Variants in SCGB2B2 observed in about 807,000 individuals in gnomAD.
SCGB2B2 encodes the protein secretoglobin family 2B member 2.
SCGB2B2 carries 11 observed loss-of-function variants against 7.6 expected under a neutral mutation model. The ratio of observed to expected loss-of-function variants is 1.45; its 90% confidence interval spans 0.91 to 2.40. SCGB2B2 has a LOEUF of 2.40. Among genes scored for constraint, SCGB2B2 ranks in the 30% most tolerant of loss-of-function variants. The pLI, the probability that SCGB2B2 is intolerant of heterozygous loss-of-function variation, is 0.00. For missense variants in SCGB2B2, 104 were observed against 115.4 expected (o/e 0.90, Z 0.45); for synonymous variants, 50 against 48.6 (o/e 1.03, Z -0.12).
chr19:34,639,340 T>C (rs1389745334), intron 1 of SCGB2B2, among the ~76,000 whole-genome samples: 1 of 152,228 alleles, frequency 6.6e-6, no homozygotes. Context: ...CTTGTTTTCC[T>C]ACACTTGCTG....
At chr19:34,674,741 A>G (rs921944169) in intron 1 of SCGB2B2, among the ~76,000 whole-genome samples, 5 of 152,220 alleles carry the variant, frequency 3.3e-5, no homozygotes, top group African/African-American at 1.2e-4. Flanking sequence ...GCTGATTACC[A>G]GAGATGACAC....
At chr19:34,611,937 G>C (rs190738399) in intron 1 of SCGB2B2, among the ~76,000 whole-genome samples, 1 of 150,888 alleles carries the variant, frequency 6.6e-6, no homozygotes, top group Non-Finnish European at 1.5e-5. Flanking sequence ...ACAGGCATGA[G>C]CCAATGTGCC....
intron 1 of SCGB2B2, among the ~76,000 whole-genome samples, chr19:34,617,511 C>T (rs553040452): frequency 3.8e-4 from 58 of 150,798 alleles, no homozygotes; most frequent in Non-Finnish European, 4.9e-4. Context: ...TATAAGAATG[C>T]TTGTGATTTT....
chr19:34,597,979 C>T (rs1053123997), intron 1 of SCGB2B2, among the ~76,000 whole-genome samples: 1 of 151,032 alleles, frequency 6.6e-6, no homozygotes, highest in Non-Finnish European at 1.5e-5. Context: ...GCAGAGGGGG[C>T]AGAGAATGGA....
At chr19:34,620,150 A>C (rs183413774) in intron 1 of SCGB2B2, among the ~76,000 whole-genome samples, 62 of 152,294 alleles carry the variant, frequency 4.1e-4, no homozygotes, top group Admixed American at 1.0e-3. Context: ...TCAATATAAT[A>C]ATCTTTTCTT....
At chr19:34,627,589 T>C (rs543511202) in intron 1 of SCGB2B2, among the ~76,000 whole-genome samples, 23 of 152,220 alleles carry the variant, frequency 1.5e-4, no homozygotes, top group African/African-American at 5.3e-4. Flanking sequence ...TATATGCACC[T>C]AATACAGGAG....
intron 1 of SCGB2B2, among the ~76,000 whole-genome samples, chr19:34,658,798 C>T (rs1433139340): frequency 9.2e-4 from 31 of 33,754 alleles, no homozygotes; most frequent in African/African-American, 2.2e-3. Context: ...GACACAACAA[C>T]AACAACAACA....
At chr19:34,605,059 C>A (rs1456654871) in intron 1 of SCGB2B2, among the ~76,000 whole-genome samples, 2 of 152,186 alleles carry the variant, frequency 1.3e-5, no homozygotes, top group African/African-American at 2.4e-5. Flanking sequence ...TTCTAGGCAA[C>A]CACTGATGTG....
At chr19:34,674,641 T>C (rs1273299695) in intron 1 of SCGB2B2, among the ~76,000 whole-genome samples, 1 of 152,140 alleles carries the variant, frequency 6.6e-6, no homozygotes, top group East Asian at 1.9e-4. Context: ...ACCTGGAGGA[T>C]AGAGGGGTAA....
chr19:34,622,204 A>T (rs186379081), intron 1 of SCGB2B2, among the ~76,000 whole-genome samples: 141 of 152,218 alleles, frequency 9.3e-4, no homozygotes, highest in African/African-American at 3.2e-3. Context: ...GTTGAGCTGG[A>T]CCTTGAGCCT....
intron 1 of SCGB2B2, among the ~76,000 whole-genome samples, chr19:34,611,481 G>T (rs1355286097): frequency 3.3e-5 from 5 of 151,768 alleles, no homozygotes; most frequent in Non-Finnish European, 7.4e-5. Context: ...TGATTTTGCT[G>T]TGTCCTATAG....
At chr19:34,621,212 C>G (rs566380764) in intron 1 of SCGB2B2, among the ~76,000 whole-genome samples, 1 of 152,106 alleles carries the variant, frequency 6.6e-6, no homozygotes, top group South Asian at 2.1e-4. Context: ...ACTACACAGA[C>G]AGAAGAAAAC....
intron 1 of SCGB2B2, among the ~76,000 whole-genome samples, chr19:34,610,768 G>GTTTTTTT (rs548680772): frequency 7.2e-6 from 1 of 139,688 alleles, no homozygotes; most frequent in Non-Finnish European, 1.5e-5. Context: ...TTGGCCTATA[G>GTTTTTTT]TTTTTTTTTT....
At chr19:34,604,957 C>T (rs1445772106) in intron 1 of SCGB2B2, among the ~76,000 whole-genome samples, 1 of 152,124 alleles carries the variant, frequency 6.6e-6, no homozygotes, top group Non-Finnish European at 1.5e-5. Context: ...AAATTACCAC[C>T]ACAATCAAAA....
At chr19:34,648,277 T>G (rs1456965693) in intron 1 of SCGB2B2, among the ~76,000 whole-genome samples, 1 of 152,134 alleles carries the variant, frequency 6.6e-6, no homozygotes, top group Non-Finnish European at 1.5e-5. Context: ...TCCATGGAGA[T>G]AAAGACAAGA....
At chr19:34,617,134 G>A (rs542703798) in intron 1 of SCGB2B2, among the ~76,000 whole-genome samples, 2 of 152,256 alleles carry the variant, frequency 1.3e-5, no homozygotes, top group Admixed American at 1.3e-4. Flanking sequence ...CTCCAGCTTT[G>A]TTCTTTTGGC....
At chr19:34,603,961 G>A (rs1451528517) in intron 1 of SCGB2B2, among the ~76,000 whole-genome samples, 1 of 151,604 alleles carries the variant, frequency 6.6e-6, no homozygotes, top group Non-Finnish European at 1.5e-5. Flanking sequence ...TATGGCTGAA[G>A]GGTCTTAGGG....
At chr19:34,612,651 G>A (rs959462001) in intron 1 of SCGB2B2, among the ~76,000 whole-genome samples, 2 of 152,160 alleles carry the variant, frequency 1.3e-5, no homozygotes, top group East Asian at 1.9e-4. Flanking sequence ...GAAATAGTCT[G>A]TAAATGTCTG....
intron 1 of SCGB2B2, among the ~76,000 whole-genome samples, chr19:34,604,963 C>A (rs565207247): frequency 1.3e-5 from 2 of 152,292 alleles, no homozygotes; most frequent in East Asian, 3.9e-4. Flanking sequence ...CCACCACAAT[C>A]AAAATATGAA....
Sources: allele counts gnomAD v4.1 joint callset (sites outside exome capture counted in the v4.1 genomes callset), GRCh38; gene constraint gnomAD v4.1.1; transcripts MANE v1.5; gene names NCBI Gene and HGNC (gene_info 2026-07-23, HGNC 2026-07-21).